The following TXK variants were observed in gnomAD, a reference collection of about 807,000 sequenced individuals.
The protein encoded by TXK is TXK tyrosine kinase, also known as tyrosine-protein kinase TXK.
Under a neutral mutation model 81.0 loss-of-function variants are expected in TXK, and 60 were observed. That is an observed-to-expected ratio of 0.74 (90% CI 0.60 to 0.92). TXK has a LOEUF of 0.92. TXK is among the 40% of genes least tolerant of loss of function. The pLI, the probability that TXK is intolerant of heterozygous loss-of-function variation, is 0.00. For synonymous variants in TXK, 203 were observed against 210.7 expected (o/e 0.96, Z 0.32); for missense variants, 581 against 638.3 (o/e 0.91, Z 0.97).
intron 9 of TXK, chr4:48,089,248 C>T (rs1717654267): frequency 6.6e-6 from 1 of 152,080 alleles, no homozygotes; most frequent in Non-Finnish European, 1.5e-5. Flanking sequence ...AGCATTTCTC[C>T]CCAAAGTTTA....
intron 9 of TXK, among the ~76,000 whole-genome samples, chr4:48,088,183 A>T (rs1717612335): frequency 6.6e-6 from 1 of 152,202 alleles, no homozygotes; most frequent in African/African-American, 2.4e-5. Context: ...GGGCAAAGGT[A>T]TGGAGCCGCT....
At position 48,071,601 on chromosome 4, in the gene TXK, T is replaced by G. The variant is rs1335461715; in HGVS notation, c.1431A>C (p.Glu477Asp). The change falls in exon 14 of 15, where the codon GAA (glutamate) becomes GAC (aspartate). Residue 477 changes from glutamate (E) to aspartate (D), a missense_variant. Transcript: ENST00000264316. ...FENKSNLQVV[E>D]AISEGFRLYR... The stretch of plus-strand genomic sequence containing the variant: ...ATAGCCTGAAGCCTTCAGAAATAGC[T>G]TCCACGACTTGCAAATTTGACTTAT... 2 of 1,614,180 alleles carry G rather than the reference T, an allele frequency of 1.2e-6. No homozygotes were observed. The highest frequency in any genetic ancestry group is 3.3e-5 in the Admixed American group (2 of 60,024).
chr4:48,071,918 T>C (rs1280092888), intron 13 of TXK, among the ~76,000 whole-genome samples: 1 of 151,340 alleles, frequency 6.6e-6, no homozygotes, highest in Non-Finnish European at 1.5e-5. Flanking sequence ...CTTGATTGCC[T>C]CTCCTATCAG....
At position 48,120,037 on chromosome 4, in the gene TXK, A is replaced by T. The variant is rs565492717; in HGVS notation, c.17-5635T>A. ...TAAAAATACTCCCTCCTTCTCCTAT[A>T]TCACCATTTTTCCCCCTCTACTGGA... On this transcript the variant is annotated intron_variant, in intron 1 of 14. Transcript: ENST00000264316. Among the ~76,000 whole-genome samples the T allele has an allele frequency of 2.6e-5, 4 of 151,786 alleles. No homozygotes were observed. The East Asian group carries it at 7.7e-4, about 29-fold the overall frequency.
chr4:48,097,304 A>G (rs1718019163), intron 6 of TXK, among the ~76,000 whole-genome samples: 2 of 152,190 alleles, frequency 1.3e-5, no homozygotes, highest in Non-Finnish European at 2.9e-5. Flanking sequence ...GGAAACTCGA[A>G]TGAAATGGAT....
At chr4:48,081,864 C>T (rs1395616073) in intron 10 of TXK, among the ~76,000 whole-genome samples, 2 of 152,172 alleles carry the variant, frequency 1.3e-5, no homozygotes, top group African/African-American at 4.8e-5. Flanking sequence ...ATGGTGCCAT[C>T]CTTCGCCTGA....
intron 1 of TXK, among the ~76,000 whole-genome samples, chr4:48,130,454 C>T (rs4146007): frequency 0.12 from 18,167 of 152,082 alleles, 1,388 homozygotes; most frequent in East Asian, 0.35. Context: ...GGATTCTCTG[C>T]GGGCTGCCTG....
intron 1 of TXK, among the ~76,000 whole-genome samples, chr4:48,124,545 C>T (rs1286174274): frequency 3.3e-5 from 5 of 151,962 alleles, no homozygotes; most frequent in African/African-American, 1.2e-4. Context: ...AACACCCTTA[C>T]ATTACATCTG....
chr4:48,113,352 A>G (rs1200082622), intron 2 of TXK, 43 bp from the exon 3 acceptor site: 2 of 1,462,888 alleles, frequency 1.4e-6, no homozygotes, highest in Admixed American at 1.7e-5. Context: ...TTATTTGTAC[A>G]AAAGTTATCT....
chr4:48,113,071 C>A, intron 3 of TXK, 136 bp downstream of exon 3: 1 of 509,560 alleles, frequency 2.0e-6, no homozygotes, highest in Non-Finnish European at 3.5e-6. Flanking sequence ...CTAGAACATT[C>A]CTTCACAAAT....
At chr4:48,091,193 G>A (rs756277628) in intron 8 of TXK, among the ~76,000 whole-genome samples, 32 of 152,174 alleles carry the variant, frequency 2.1e-4, no homozygotes, top group Non-Finnish European at 2.4e-4. Flanking sequence ...TGTTGGACTC[G>A]AAGAATTCTT....
chr4:48,092,397 A>G (rs1383018572), intron 8 of TXK, among the ~76,000 whole-genome samples: 1 of 152,214 alleles, frequency 6.6e-6, no homozygotes, highest in African/African-American at 2.4e-5. Context: ...GACACTGCCA[A>G]ATGTAGCAGA....
chr4:48,067,575 A>C lies in TXK; in HGVS notation c.*62T>G. On this transcript the variant is annotated 3_prime_UTR_variant, in exon 15 of 15. Transcript: ENST00000264316. Reference sequence around the variant, plus strand: ...CACCATAAGTGACCCCATATGGTGAAGATATTCACAATAAATGACAGTTTT... The same window carrying C: ...CACCATAAGTGACCCCATATGGTGACGATATTCACAATAAATGACAGTTTT... The C allele has an allele frequency of 1.6e-5, 25 of 1,519,258 alleles. No individual in the cohort carries two copies. The highest frequency in any genetic ancestry group is 2.1e-5 in the Non-Finnish European group (23 of 1,093,344). The allele number at this position is 1,519,258 out of a possible 1,614,324, so 94.1% of individuals were successfully genotyped here.
At position 48,076,433 on chromosome 4, in the gene TXK, T is replaced by C. The variant is rs753249127; in HGVS notation, c.1207A>G (p.Ile403Val). ...ARNCLVSSTCIVKISDFGMTR... is the reference protein window; with the variant it reads ...ARNCLVSSTCVVKISDFGMTR... ...ATTCCAAAGTCTGAAATTTTTACTATGCATGTTGAACTGACCAAACAATTC... is the reference window on the plus strand; with the variant it reads ...ATTCCAAAGTCTGAAATTTTTACTACGCATGTTGAACTGACCAAACAATTC... The change falls in exon 12 of 15, where the codon ATA (isoleucine) becomes GTA (valine). Residue 403 changes from isoleucine (I) to valine (V), a missense_variant. Coordinates refer to ENST00000264316, the MANE Select transcript of TXK (RefSeq NM_003328.3). 8 of 1,613,168 alleles carry C rather than the reference T, an allele frequency of 5.0e-6. No homozygotes were observed. Among genetic ancestry groups the C allele is most frequent in the Middle Eastern group, 1.6e-4 (1 of 6,084 alleles).
chr4:48,071,971 T>TC lies in TXK; in HGVS notation c.1358-298_1358-297insG, dbSNP rs1304878789. Among the ~76,000 whole-genome samples, 38 of 150,792 alleles carry TC rather than the reference T, an allele frequency of 2.5e-4. 1 individual carries two copies. Among genetic ancestry groups the TC allele is most frequent in the African/African-American group, 9.3e-4 (38 of 41,036 alleles). ...ATTTTCTTTTCTTTTTTTTTTTTTT[T>TC]GAGACAGGGTCTCGCTCTGTCGCCC... is the stretch of plus-strand genomic sequence containing the variant. On this transcript the variant is annotated intron_variant, in intron 13 of 14. Transcript: ENST00000264316.
chr4:48,083,739 G>A (rs1182501998), intron 10 of TXK, among the ~76,000 whole-genome samples: 1 of 152,178 alleles, frequency 6.6e-6, no homozygotes, highest in African/African-American at 2.4e-5. Flanking sequence ...AGGTTAAACA[G>A]GAGAAATAAA....
chr4:48,084,923 C>CGAGAATGGGTCCAGTTAATCGAG (rs1234656236), intron 10 of TXK, among the ~76,000 whole-genome samples: 384 of 150,550 alleles, frequency 2.6e-3, no homozygotes, highest in Non-Finnish European at 3.6e-3. Flanking sequence ...TCCAGTTAAT[C>CGAGAATGGGTCCAGTTAATCGAG]ACCTCTGATT....
chr4:48,074,012 T>C lies in TXK; in HGVS notation c.1280A>G (p.Lys427Arg). The stretch of plus-strand genomic sequence containing the variant: ...AGGAGGGGACCACTTGATTGGGAAC[T>C]TGGCTCCAAAAGAACTGACATACTC... ...DDEYVSSFGAKFPIKWSPPEV... is the reference protein window; with the variant it reads ...DDEYVSSFGARFPIKWSPPEV... The change falls in exon 13 of 15, where the codon AAG becomes AGG. Residue 427 changes from lysine to arginine, a missense_variant. Coordinates refer to ENST00000264316, the MANE Select transcript of TXK (RefSeq NM_003328.3). 2 of 1,614,038 alleles carry C rather than the reference T, an allele frequency of 1.2e-6. No individual in the cohort carries two copies. The highest frequency in any genetic ancestry group is 1.7e-6 in the Non-Finnish European group (2 of 1,179,926).
intron 1 of TXK, chr4:48,114,666 G>A (rs933947475): frequency 4.5e-6 from 2 of 441,316 alleles, no homozygotes; most frequent in East Asian, 3.9e-5. Flanking sequence ...AATGACCAGT[G>A]TATTCTCTTT....
Sources: gnomAD v4.1 joint callset for allele counts (sites outside exome capture counted in the v4.1 genomes callset) on GRCh38, gnomAD v4.1.1 for gene constraint, MANE v1.5 for transcripts, NCBI Gene and HGNC (gene_info 2026-07-23, HGNC 2026-07-21) for gene names.